Variants in NAALADL2 observed in about 807,000 individuals in gnomAD.
NAALADL2 encodes inactive N-acetylated-alpha-linked acidic dipeptidase-like protein 2.
A neutral mutation model predicts 87.2 loss-of-function variants in NAALADL2; 76 were observed. The ratio of observed to expected loss-of-function variants is 0.87; its 90% CI spans 0.72 to 1.05. The LOEUF is 1.05. Among genes scored for constraint, NAALADL2 ranks in the 50% least tolerant of loss-of-function variants. NAALADL2 has a pLI of 0.00. For missense variants in NAALADL2, 1,089 were observed against 945.8 expected, an observed-to-expected ratio of 1.15 and a Z score of -1.99; for synonymous variants, 354 against 331.0, an observed-to-expected ratio of 1.07 and a Z score of -0.75.
At chr3:174,813,082 G>A (rs939683362) in intron 3 of NAALADL2, among the ~76,000 whole-genome samples, 13 of 151,782 alleles carry the variant, frequency 8.6e-5, no homozygotes, top group Non-Finnish European at 1.8e-4. Context: ...TTCACTCACC[G>A]CTCACTCACT....
chr3:174,728,235 G>A (rs1056104893), intron 2 of NAALADL2, among the ~76,000 whole-genome samples: 15 of 151,988 alleles, frequency 9.9e-5, no homozygotes, highest in Admixed American at 5.9e-4. Context: ...TACATACCAA[G>A]GAGCATGATT....
At chr3:174,548,505 A>G (rs903536625) in intron 1 of NAALADL2, among the ~76,000 whole-genome samples, 2 of 152,166 alleles carry the variant, frequency 1.3e-5, no homozygotes, top group Non-Finnish European at 2.9e-5. Context: ...TAAAGTATGT[A>G]TTACTTTAAA....
chr3:175,333,919 T>C (rs1761694568), intron 5 of NAALADL2, among the ~76,000 whole-genome samples: 1 of 152,186 alleles, frequency 6.6e-6, no homozygotes, highest in Non-Finnish European at 1.5e-5. Context: ...ATTCCATGCA[T>C]GTAACAAAAT....
chr3:174,948,721 C>A (rs1287185960), intron 1 of NAALADL2, among the ~76,000 whole-genome samples: 2 of 151,946 alleles, frequency 1.3e-5, no homozygotes, highest in Non-Finnish European at 2.9e-5. Flanking sequence ...GCTGTGGTGA[C>A]TCAAAAACTG....
chr3:175,315,329 G>T (rs1473022024), intron 4 of NAALADL2, among the ~76,000 whole-genome samples: 5 of 152,004 alleles, frequency 3.3e-5, no homozygotes, highest in African/African-American at 4.8e-5. Flanking sequence ...GAGGGTGGGA[G>T]GCATATGTAA....
intron 1 of NAALADL2, among the ~76,000 whole-genome samples, chr3:174,533,381 T>G (rs1721424628): frequency 6.6e-6 from 1 of 152,100 alleles, no homozygotes; most frequent in African/African-American, 2.4e-5. Flanking sequence ...CATTGAGCCC[T>G]CTTATCAGCC....
At chr3:174,850,104 C>T (rs1725082911) in intron 3 of NAALADL2, among the ~76,000 whole-genome samples, 1 of 152,076 alleles carries the variant, frequency 6.6e-6, no homozygotes, top group Non-Finnish European at 1.5e-5. Flanking sequence ...TAAAATACCT[C>T]AGCTTTTGTT....
intron 1 of NAALADL2, among the ~76,000 whole-genome samples, chr3:174,447,641 C>G (rs1311861225): frequency 1.3e-5 from 2 of 151,892 alleles, no homozygotes; most frequent in East Asian, 1.9e-4. Flanking sequence ...CACGGTGAAA[C>G]CTCGTCTCTA....
chr3:174,840,161 A>T lies in NAALADL2; in HGVS notation c.-9+102415A>T, dbSNP rs1450330163. Among the ~76,000 whole-genome samples the T allele has an allele frequency of 4.0e-5, 6 of 151,548 alleles. No individual in the cohort carries two copies. In the East Asian group the frequency reaches 1.2e-3, roughly 29 times the overall value. On this transcript the variant is annotated intron_variant, in intron 3 of 3. Coordinates refer to the NAALADL2 transcript ENST00000434257. ...TGTGATATATATATATCTAATATATATATCTATATATGAGATGTATGATAC... is the reference window on the plus strand; with the variant it reads ...TGTGATATATATATATCTAATATATTTATCTATATATGAGATGTATGATAC...
At chr3:174,739,261 T>G (rs965649730) in intron 3 of NAALADL2, among the ~76,000 whole-genome samples, 4 of 152,104 alleles carry the variant, frequency 2.6e-5, no homozygotes, top group African/African-American at 9.7e-5. Context: ...CAGATGGTAA[T>G]GGTAATTAGG....
intron 2 of NAALADL2, among the ~76,000 whole-genome samples, chr3:174,723,339 C>G (rs906023102): frequency 5.9e-5 from 9 of 152,116 alleles, no homozygotes; most frequent in Non-Finnish European, 1.3e-4. Context: ...ATGTTGATAA[C>G]ATTTGATGAT....
At chr3:175,753,445 T>C (rs1022311690) in intron 12 of NAALADL2, among the ~76,000 whole-genome samples, 1 of 152,168 alleles carries the variant, frequency 6.6e-6, no homozygotes, top group Non-Finnish European at 1.5e-5. Flanking sequence ...TAAACAATTA[T>C]TGAATTTCAA....
intron 1 of NAALADL2, among the ~76,000 whole-genome samples, chr3:174,453,524 G>T (rs2108276966): frequency 6.6e-6 from 1 of 152,250 alleles, no homozygotes; most frequent in East Asian, 1.9e-4. Context: ...AGAGAGAAAG[G>T]TCAGGTCACC....
chr3:174,666,762 T>C (rs1339048577), intron 2 of NAALADL2, among the ~76,000 whole-genome samples: 3 of 152,194 alleles, frequency 2.0e-5, no homozygotes, highest in African/African-American at 7.2e-5. Flanking sequence ...ATATTCACAT[T>C]GTTGTTCAAC....
chr3:174,508,114 G>GTTTTTTTTTTTTTGTTTT lies in NAALADL2; in HGVS notation c.-183-42442_-183-42441insGTTTTTTTTTTTTTTTTT, dbSNP rs57393523. On this transcript the variant is annotated intron_variant, in intron 1 of 3. Transcript: ENST00000434257. ...AATTTTAGCTATTGGATATCTAGTG[G>GTTTTTTTTTTTTTGTTTT]TTTTTTTTTTTTTTTTTGAGACGAA... Among the ~76,000 whole-genome samples, 9 of 103,898 alleles carry GTTTTTTTTTTTTTGTTTT rather than the reference G, an allele frequency of 8.7e-5. 1 individual carries two copies. Among genetic ancestry groups the GTTTTTTTTTTTTTGTTTT allele is most frequent in the South Asian group, 3.8e-4 (1 of 2,620 alleles). 68.2% of individuals were successfully genotyped at this position (103,898 alleles called of 152,430 possible).
At chr3:174,917,888 C>T (rs1734622554) in intron 1 of NAALADL2, among the ~76,000 whole-genome samples, 1 of 151,912 alleles carries the variant, frequency 6.6e-6, no homozygotes, top group South Asian at 2.1e-4. Context: ...TCATAATTTT[C>T]TAAGCTTGAC....
chr3:174,578,778 T>A lies in NAALADL2; in HGVS notation c.-115+28141T>A, dbSNP rs552770181. ...AACATAGGAGGATTCTATTCATAAT[T>A]TGGGTATACTCAGGAAACTCCATCA... On this transcript the variant is annotated intron_variant, in intron 2 of 3. Transcript: ENST00000434257. 8.6e-5 allele frequency among the ~76,000 whole-genome samples: 13 copies of A among 152,022 alleles called. No homozygotes were observed. The South Asian group carries it at 2.5e-3, about 29-fold the overall frequency.
In NAALADL2 at chr3:175,526,765, C is replaced by T. The variant is rs750273840; in HGVS notation, c.1654-49276C>T. 8.5e-5 allele frequency among the ~76,000 whole-genome samples: 13 copies of T among 152,212 alleles called. No homozygotes were observed. The East Asian group carries it at 1.2e-3, about 14-fold the overall frequency. ...TATTGTTCTGCTTTAATTTGTTCCA[C>T]GGGTCCACCAGCAGAGATGAGGAAC... On this transcript the variant is annotated intron_variant, in intron 9 of 13. Coordinates refer to ENST00000454872, the MANE Select transcript of NAALADL2 (RefSeq NM_207015.3).
intron 9 of NAALADL2, among the ~76,000 whole-genome samples, chr3:175,554,497 A>G (rs1295021616): frequency 1.3e-5 from 2 of 152,120 alleles, no homozygotes; most frequent in African/African-American, 4.8e-5. Context: ...CTTATATAAT[A>G]TATTCAGAAA....
Sources: allele counts gnomAD v4.1 joint callset (sites outside exome capture counted in the v4.1 genomes callset), GRCh38; gene constraint gnomAD v4.1.1; transcripts MANE v1.5; gene names NCBI Gene and HGNC (gene_info 2026-07-23, HGNC 2026-07-21).